RIMS2: variants seen among roughly 807,000 people sequenced by gnomAD.
RIMS2 encodes regulating synaptic membrane exocytosis protein 2.
A neutral mutation model predicts 174.4 loss-of-function variants in RIMS2; 59 were observed. The ratio of observed to expected loss-of-function variants is 0.34; its 90% CI spans 0.27 to 0.42. The LOEUF (loss-of-function observed/expected upper bound fraction) is 0.42, where lower values mean the gene tolerates loss of function less well. RIMS2 is among the 10% of genes least tolerant of loss of function. RIMS2 has a pLI of 1.00. For synonymous variants in RIMS2, 606 were observed against 572.5 expected (o/e 1.06, Z -0.84); for missense variants, 1,620 against 1,666.3 (o/e 0.97, Z 0.48).
intron 1 of RIMS2, among the ~76,000 whole-genome samples, chr8:103,603,878 A>G (rs1184027184): frequency 1.7e-4 from 25 of 147,838 alleles, no homozygotes; most frequent in African/African-American, 6.3e-4. Flanking sequence ...GTTTGAGTTC[A>G]TTGTAGATTC....
chr8:103,661,114 A>G (rs2096594846), intron 1 of RIMS2, among the ~76,000 whole-genome samples: 3 of 152,234 alleles, frequency 2.0e-5, no homozygotes, highest in Admixed American at 2.0e-4. Context: ...TAGAGTTTAC[A>G]GAAAGAATCA....
chr8:103,826,282 C>A (rs2098790358), intron 3 of RIMS2, among the ~76,000 whole-genome samples: 1 of 151,100 alleles, frequency 6.6e-6, no homozygotes, highest in Non-Finnish European at 1.5e-5. Context: ...TCTGTTTGCA[C>A]TCTAAAAATC....
intron 20 of RIMS2, among the ~76,000 whole-genome samples, chr8:104,245,643 A>G (rs1262530427): frequency 2.0e-5 from 3 of 152,210 alleles, no homozygotes; most frequent in Non-Finnish European, 4.4e-5. Context: ...TCTGTCACCA[A>G]CAAATTAATA....
intron 1 of RIMS2, among the ~76,000 whole-genome samples, chr8:103,514,753 C>T (rs1191587563): frequency 6.6e-6 from 1 of 151,952 alleles, no homozygotes; most frequent in South Asian, 2.1e-4. Context: ...CAGAGAAGAA[C>T]TTCATTTTCT....
At chr8:103,581,603 TA>T (rs2093623258) in intron 1 of RIMS2, among the ~76,000 whole-genome samples, 1 of 152,126 alleles carries the variant, frequency 6.6e-6, no homozygotes, top group Non-Finnish European at 1.5e-5. Flanking sequence ...TTAATCAATA[TA>T]AAAGTGAAAG....
chr8:103,773,156 A>G (rs1490612969), intron 3 of RIMS2, among the ~76,000 whole-genome samples: 2 of 152,156 alleles, frequency 1.3e-5, no homozygotes, highest in Non-Finnish European at 2.9e-5. Context: ...AAAAAAATCC[A>G]CAACAAATTA....
At chr8:104,154,958 G>C (rs2098712287) in intron 19 of RIMS2, among the ~76,000 whole-genome samples, 3 of 99,702 alleles carry the variant, frequency 3.0e-5, no homozygotes, top group Admixed American at 3.0e-4. Context: ...AAATAGTAGA[G>C]TTTACTTTTT....
chr8:104,094,628 A>C, intron 19 of RIMS2: 1 of 702,168 alleles, frequency 1.4e-6, no homozygotes, highest in Non-Finnish European at 2.6e-6. Context: ...ACAGAGAATC[A>C]GGAGACGAGG....
At chr8:103,813,798 A>G (rs796769909) in intron 3 of RIMS2, among the ~76,000 whole-genome samples, 3 of 152,252 alleles carry the variant, frequency 2.0e-5, no homozygotes, top group Non-Finnish European at 2.9e-5. Context: ...AATCCAGTCT[A>G]TCATTGTTGG....
At chr8:103,501,328 G>C (rs1436101708) in intron 1 of RIMS2, 1 of 221,810 alleles carries the variant, frequency 4.5e-6, no homozygotes, top group African/African-American at 2.3e-5. Context: ...GCGCCTTTCC[G>C]GATTTCCTCG....
intron 4 of RIMS2, among the ~76,000 whole-genome samples, chr8:103,889,261 A>G (rs2099227061): frequency 6.6e-6 from 1 of 151,576 alleles, no homozygotes; most frequent in Admixed American, 6.6e-5. Context: ...GTATTTTTAT[A>G]TGGAGTGACA....
chr8:103,647,658 G>GT (rs944166876), intron 1 of RIMS2, among the ~76,000 whole-genome samples: 9 of 151,998 alleles, frequency 5.9e-5, no homozygotes, highest in Non-Finnish European at 1.3e-4. Flanking sequence ...TTGGGTAGGT[G>GT]TATGTGTCCA....
intron 3 of RIMS2, among the ~76,000 whole-genome samples, chr8:103,798,062 A>T (rs2098565103): frequency 6.6e-6 from 1 of 152,116 alleles, no homozygotes; most frequent in African/African-American, 2.4e-5. Context: ...ACTGCAGCAA[A>T]TATTACTTCA....
At chr8:104,178,530 GA>G (rs1178831513) in intron 19 of RIMS2, among the ~76,000 whole-genome samples, 4 of 152,078 alleles carry the variant, frequency 2.6e-5, no homozygotes, top group African/African-American at 9.7e-5. Context: ...GGCCCACAGG[GA>G]TAATCTAGGA....
rs114879854 is a variant in RIMS2 at position 103,932,491 on chromosome 8, A to G, written c.2375+1098A>G. Among the ~76,000 whole-genome samples, 189 of 152,348 alleles carry G rather than the reference A, an allele frequency of 1.2e-3. 1 individual carries two copies. The highest frequency in any genetic ancestry group is 4.4e-3 in the African/African-American group (183 of 41,588). On this transcript the variant is annotated intron_variant, in intron 12 of 23. Coordinates refer to ENST00000504942, the Ensembl canonical transcript of RIMS2. Reference sequence around the variant, plus strand: ...TAGAAACTGTTTGCTATATAATTTTATCTTATAAAGTTTGATTAAGAAAGC... The same window carrying G: ...TAGAAACTGTTTGCTATATAATTTTGTCTTATAAAGTTTGATTAAGAAAGC...
downstream of RIMS2, chr8:104,252,598 A>C (rs1366968608): frequency 6.6e-6 from 1 of 151,920 alleles, no homozygotes; most frequent in Non-Finnish European, 1.5e-5. Flanking sequence ...AAATTTCACT[A>C]GTGCATGGTT....
chr8:104,170,822 C>G (rs1404835260), intron 19 of RIMS2, among the ~76,000 whole-genome samples: 3 of 152,024 alleles, frequency 2.0e-5, no homozygotes, highest in Non-Finnish European at 4.4e-5. Flanking sequence ...TTTAGAACTC[C>G]TCTTAGCATT....
intron 12 of RIMS2, among the ~76,000 whole-genome samples, chr8:103,932,187 T>C (rs375286850): frequency 1.3e-5 from 2 of 152,340 alleles, no homozygotes; most frequent in South Asian, 2.1e-4. Context: ...TCAAGATCTC[T>C]TTATTTTTTC....
intron 3 of RIMS2, among the ~76,000 whole-genome samples, chr8:103,841,162 A>T (rs2098937429): frequency 6.6e-6 from 1 of 152,116 alleles, no homozygotes; most frequent in Admixed American, 6.6e-5. Flanking sequence ...GCTGTTTAGG[A>T]ATTATTTATT....
Sources: allele counts gnomAD v4.1 joint callset (sites outside exome capture counted in the v4.1 genomes callset), GRCh38; gene constraint gnomAD v4.1.1; transcripts MANE v1.5; gene names NCBI Gene and HGNC (gene_info 2026-07-23, HGNC 2026-07-21).